KCNK9: variants seen among roughly 807,000 people sequenced by gnomAD.
KCNK9 encodes the protein potassium channel subfamily K member 9.
A neutral mutation model predicts 10.8 loss-of-function variants in KCNK9; 1 was observed. That is an observed-to-expected ratio of 0.09 (90% CI 0.03 to 0.44). The LOEUF (loss-of-function observed/expected upper bound fraction) is 0.44. Among genes scored for constraint, KCNK9 ranks in the 20% least tolerant of loss-of-function variants. KCNK9 has a pLI of 0.97. For missense variants in KCNK9, 303 were observed against 515.0 expected (o/e 0.59, Z 3.98); for synonymous variants, 231 against 222.7 (o/e 1.04, Z -0.33).
rs528640763 is a variant in KCNK9 at position 139,681,888 on chromosome 8, G to A, written c.283+20822C>T. 2.6e-5 allele frequency among the ~76,000 whole-genome samples: 4 copies of A among 152,350 alleles called. No homozygotes were observed. The South Asian group carries it at 6.2e-4, about 24-fold the overall frequency. ...CAGTCACAGCCATGCCTGGAGCTCA[G>A]GGAGACACCAGGAAAGATGGCCCAG... On this transcript the variant is annotated intron_variant, in intron 1 of 1. Transcript: ENST00000520439.
chr8:139,680,647 C>T (rs994571212), intron 1 of KCNK9, among the ~76,000 whole-genome samples: 1 of 152,162 alleles, frequency 6.6e-6, no homozygotes, highest in African/African-American at 2.4e-5. Context: ...ACTTCCCCTG[C>T]GTGCTCCTAA....
rs144497501 is a variant in KCNK9, at chr8:139,654,403, C to T, written c.284-35304G>A. Among the ~76,000 whole-genome samples, 971 of 152,294 alleles carry T rather than the reference C, an allele frequency of 6.4e-3. 6 individuals carry two copies. Among genetic ancestry groups the T allele is most frequent in the Middle Eastern group, 0.01 (3 of 294 alleles). On this transcript the variant is annotated intron_variant, in intron 1 of 1. Transcript: ENST00000520439. The stretch of plus-strand genomic sequence containing the variant: ...ACCCTGCCAGGCCTCCCAAGGACCA[C>T]AGCCAATGAGCAGATGCCCTGCCCG...
chr8:139,659,065 C>T lies in KCNK9; in HGVS notation c.284-39966G>A, dbSNP rs576265632. Among the ~76,000 whole-genome samples the T allele has an allele frequency of 3.3e-5, 5 of 152,288 alleles. No individual in the cohort carries two copies. The South Asian group carries it at 1.0e-3, about 32-fold the overall frequency. ...AAGACAAGTTAGCCAGAAAGGCATTCTAGGAGGAAGAAACAGCATGTATCA... is the reference window on the plus strand; with the variant it reads ...AAGACAAGTTAGCCAGAAAGGCATTTTAGGAGGAAGAAACAGCATGTATCA... On this transcript the variant is annotated intron_variant, in intron 1 of 1. Transcript: ENST00000520439.
At chr8:139,606,404 C>T (rs1302162919) in intron 2 of KCNK9, among the ~76,000 whole-genome samples, 1 of 152,084 alleles carries the variant, frequency 6.6e-6, no homozygotes, top group Non-Finnish European at 1.5e-5. Flanking sequence ...TCCAAAGACC[C>T]ACAGATATCC....
chr8:139,678,153 C>T (rs759248177), intron 1 of KCNK9, among the ~76,000 whole-genome samples: 1 of 152,250 alleles, frequency 6.6e-6, no homozygotes, highest in Non-Finnish European at 1.5e-5. Flanking sequence ...GTGTTCCATA[C>T]AATCCCTCAG....
At chr8:139,634,857 G>A (rs1010466114) in intron 1 of KCNK9, among the ~76,000 whole-genome samples, 1 of 152,170 alleles carries the variant, frequency 6.6e-6, no homozygotes, top group Non-Finnish European at 1.5e-5. Context: ...TCCGTGAGGG[G>A]ACAAGGCCCC....
chr8:139,623,196 A>C (rs1423170223), intron 1 of KCNK9, among the ~76,000 whole-genome samples: 5 of 152,230 alleles, frequency 3.3e-5, no homozygotes, highest in Non-Finnish European at 7.3e-5. Flanking sequence ...AGCTCTTCCC[A>C]AGAGGAGAAT....
intron 1 of KCNK9, among the ~76,000 whole-genome samples, chr8:139,646,581 CCCG>C (rs1365588982): frequency 6.6e-6 from 1 of 152,182 alleles, no homozygotes; most frequent in East Asian, 1.9e-4. Context: ...TGAGGTACAA[CCCG>C]CCAGTAAATG....
chr8:139,695,999 G>T (rs1817040486), intron 1 of KCNK9, among the ~76,000 whole-genome samples: 1 of 152,100 alleles, frequency 6.6e-6, no homozygotes, highest in Admixed American at 6.5e-5. Flanking sequence ...CATCTTCCAG[G>T]TCTAAGCCCC....
intron 1 of KCNK9, among the ~76,000 whole-genome samples, chr8:139,634,900 T>TTCATCTGAA (rs1815292579): frequency 6.6e-6 from 1 of 152,130 alleles, no homozygotes; most frequent in Non-Finnish European, 1.5e-5. Flanking sequence ...CTTCTGGGAC[T>TTCATCTGAA]TCATCTGAAG....
At chr8:139,679,927 G>A (rs534513896) in intron 1 of KCNK9, among the ~76,000 whole-genome samples, 11 of 152,334 alleles carry the variant, frequency 7.2e-5, no homozygotes, top group Admixed American at 5.2e-4. Context: ...TATGCACCTT[G>A]TAGTATGTCA....
At chr8:139,604,169 C>T (rs1481807771) in intron 2 of KCNK9, among the ~76,000 whole-genome samples, 1 of 152,198 alleles carries the variant, frequency 6.6e-6, no homozygotes, top group Non-Finnish European at 1.5e-5. Flanking sequence ...TTCTTCCCAT[C>T]ATTTAGGTAT....
intron 1 of KCNK9, among the ~76,000 whole-genome samples, chr8:139,638,100 C>T (rs973330531): frequency 3.3e-5 from 5 of 151,794 alleles, no homozygotes; most frequent in Non-Finnish European, 4.4e-5. Context: ...ATCCCCATAC[C>T]GTTAGCTGGA....
intron 1 of KCNK9, among the ~76,000 whole-genome samples, chr8:139,680,663 G>A (rs1203166366): frequency 6.6e-6 from 1 of 152,116 alleles, no homozygotes; most frequent in East Asian, 1.9e-4. Context: ...CCTAATCCCT[G>A]ATGCACACTC....
chr8:139,611,141 G>A (rs559228062), downstream of KCNK9, among the ~76,000 whole-genome samples: 375 of 152,350 alleles, frequency 2.5e-3, 1 homozygote, highest in African/African-American at 8.8e-3. Flanking sequence ...TCCTCTGGGA[G>A]ACATGGGCCT....
In KCNK9 at chr8:139,630,801, G is replaced by A. The variant is rs574696572; in HGVS notation, c.284-11702C>T. On this transcript the variant is annotated intron_variant, in intron 1 of 1. Coordinates refer to ENST00000520439, the MANE Select transcript of KCNK9 (RefSeq NM_001282534.2). ...GTGGGTGGAGAAGGCTGCGGTCAAG[G>A]CACACCCCCTTCTCAGTCCCCCAGA... is the stretch of plus-strand genomic sequence containing the variant. Among the ~76,000 whole-genome samples, 5 of 152,346 alleles carry A rather than the reference G, an allele frequency of 3.3e-5. No homozygotes were observed. In the East Asian group the frequency reaches 9.6e-4, roughly 29 times the overall value.
At chr8:139,620,331 C>T (rs1341183347) in intron 1 of KCNK9, among the ~76,000 whole-genome samples, 1 of 152,228 alleles carries the variant, frequency 6.6e-6, no homozygotes. Context: ...GTCACATGTT[C>T]ATGGTCACTT....
At chr8:139,619,231 G>T in intron 1 of KCNK9, 132 bp from the exon 2 acceptor site, 1 of 989,532 alleles carries the variant, frequency 1.0e-6, no homozygotes, top group East Asian at 2.6e-5. Flanking sequence ...TTCCTCTGCA[G>T]GGTAGAGGGG....
chr8:139,651,515 C>T (rs1207773378), intron 1 of KCNK9, among the ~76,000 whole-genome samples: 1 of 152,144 alleles, frequency 6.6e-6, no homozygotes, highest in Non-Finnish European at 1.5e-5. Context: ...GGGTTTGGAG[C>T]ATTGTTTTCT....
Sources: gnomAD v4.1 joint callset for allele counts (sites outside exome capture counted in the v4.1 genomes callset) on GRCh38, gnomAD v4.1.1 for gene constraint, MANE v1.5 for transcripts, NCBI Gene and HGNC (gene_info 2026-07-23, HGNC 2026-07-21) for gene names.